NRL: variants seen among roughly 807,000 people sequenced by gnomAD.
NRL encodes neural retina leucine zipper.
A neutral mutation model predicts 12.5 loss-of-function variants in NRL; 16 were observed. The observed-to-expected ratio is 1.28, with a 90% CI of 0.87 to 1.95. The LOEUF (loss-of-function observed/expected upper bound fraction) is 1.95, where lower values mean the gene tolerates loss of function less well. Among genes scored for constraint, NRL ranks in the 30% most tolerant of loss-of-function variants. NRL has a pLI of 0.00. For missense variants in NRL, 314 were observed against 325.8 expected, an observed-to-expected ratio of 0.96 and a Z score of 0.28; for synonymous variants, 142 against 150.9, an observed-to-expected ratio of 0.94 and a Z score of 0.43.
chr14:24,103,976 A>G (rs1347765044), intron 1 of NRL: 25 of 1,603,144 alleles, frequency 1.6e-5, no homozygotes, highest in Middle Eastern at 1.7e-4. Context: ...CTGAGGCCCT[A>G]GTCTAGCAAG....
chr14:24,100,662 A>C, intron 1 of NRL: 1 of 829,238 alleles, frequency 1.2e-6, no homozygotes, highest in Non-Finnish European at 1.5e-6. Flanking sequence ...AGTTTGGCCC[A>C]TTAGGAAAAG....
chr14:24,080,993 G>GC lies in NRL; in HGVS notation c.*242dup, dbSNP rs1202554227. ...CACTGGTCCCTGCAGAGCTCAGCGT[G>GC]CTAGTCATGTGGGCTGGGTTTCTGT... On this transcript the variant is annotated 3_prime_UTR_variant, in exon 3 of 3. Coordinates refer to ENST00000561028, the MANE Select transcript of NRL (RefSeq NM_001354768.3). The GC allele has an allele frequency of 2.6e-6, 1 of 382,316 alleles. No homozygotes were observed. The highest frequency in any genetic ancestry group is 2.1e-5 in the African/African-American group (1 of 47,792). 23.7% of individuals were successfully genotyped at this position (382,316 alleles called of 1,614,324 possible).
At chr14:24,093,239 A>C (rs1382633743) in intron 1 of NRL, 1 of 152,280 alleles carries the variant, frequency 6.6e-6, no homozygotes, top group South Asian at 2.1e-4. Flanking sequence ...GCTGAGTTTG[A>C]GGTGCTATAT....
rs10137012 is a variant in NRL at position 24,091,219 on chromosome 14, C to T, written c.-27-8344G>A. Among the ~76,000 whole-genome samples, 771 of 151,596 alleles carry T rather than the reference C, an allele frequency of 5.1e-3. 8 individuals carry two copies. Among genetic ancestry groups the T allele is most frequent in the African/African-American group, 0.017 (720 of 41,308 alleles). On this transcript the variant is annotated intron_variant, in intron 1 of 2. Coordinates refer to ENST00000561028, the MANE Select transcript of NRL (RefSeq NM_001354768.3). Reference sequence around the variant, plus strand: ...AGGCTGGAGTGCAGTGGTGCGATCTCGGCTCACTGCAACCTCCGCCTCCCG... The same window carrying T: ...AGGCTGGAGTGCAGTGGTGCGATCTTGGCTCACTGCAACCTCCGCCTCCCG...
chr14:24,094,925 G>T lies in NRL; in HGVS notation c.-27-12050C>A. 1 of 1,082,802 alleles carries T rather than the reference G, an allele frequency of 9.2e-7. No homozygotes were observed. Among genetic ancestry groups the T allele is most frequent in the South Asian group, 1.3e-5 (1 of 74,800 alleles). 67.1% of individuals were successfully genotyped at this position (1,082,802 alleles called of 1,614,324 possible). On this transcript the variant is annotated intron_variant, in intron 1 of 2. Transcript: ENST00000561028. The surrounding 1 kb of genome is among the most constrained non-coding windows in gnomAD (Gnocchi z 4.1). Reference sequence around the variant, plus strand: ...AAATATCCATTCCCGGCCTCTCCCGGACTGGAAGGACTGGAACCTGGCGGG... The same window carrying T: ...AAATATCCATTCCCGGCCTCTCCCGTACTGGAAGGACTGGAACCTGGCGGG...
chr14:24,096,228 CTTTTTTTTTTTTTTTTT>C (rs34592767), intron 1 of NRL, among the ~76,000 whole-genome samples: 3 of 58,878 alleles, frequency 5.1e-5, no homozygotes, highest in East Asian at 1.3e-3. Flanking sequence ...CTACTCATTT[CTTTTTTTTTTTTTTTTT>C]TTTTTTTTTT....
chr14:24,103,887 GAGC>G (rs770045826), intron 1 of NRL: 2 of 1,614,048 alleles, frequency 1.2e-6, no homozygotes, highest in Non-Finnish European at 1.7e-6. Flanking sequence ...CTACCTGACA[GAGC>G]AGGTCAACCA....
intron 1 of NRL, among the ~76,000 whole-genome samples, chr14:24,113,398 G>C (rs1266114384): frequency 6.6e-6 from 1 of 151,786 alleles, no homozygotes; most frequent in African/African-American, 2.4e-5. Context: ...AAATGATTCC[G>C]TCACATTCTG....
rs748970100 is a variant in NRL, at chr14:24,082,750, G to A, written c.99C>T (p.Gly33=). The change falls in exon 2 of 3, where the codon GGC becomes GGT. Residue 33 remains glycine (G), a synonymous_variant. Transcript: ENST00000561028. ...TGGAGCCCAGTGAGGCTGTAGGGGG[G>A]CCAGGTCGGCCCTCAGAGGGTTCCC... The part of the protein sequence containing the change: ...VKREPSEGRP[G]PPTASLGSTP... The A allele has an allele frequency of 8.7e-6, 14 of 1,614,208 alleles. No homozygotes were observed. The highest frequency in any genetic ancestry group is 7.6e-6 in the Non-Finnish European group (9 of 1,180,030).
intron 1 of NRL, among the ~76,000 whole-genome samples, chr14:24,083,987 C>G (rs928102584): frequency 6.6e-6 from 1 of 152,166 alleles, no homozygotes; most frequent in Non-Finnish European, 1.5e-5. Context: ...AAGCTCTAGT[C>G]CAGCTCCCAA....
intron 1 of NRL, chr14:24,114,361 GCTGGGCACCC>G (rs1478239154): frequency 6.6e-6 from 1 of 152,344 alleles, no homozygotes; most frequent in East Asian, 1.9e-4. Context: ...CTACTGGGAC[GCTGGGCACCC>G]CTTAGGGCAG....
Position 24,082,582 on chromosome 14 carries a change from C to T in NRL, c.267G>A (p.Gly89=), listed in dbSNP as rs748629691. 1.1e-5 allele frequency: 18 copies of T among 1,613,672 alleles called. No homozygotes were observed. Among genetic ancestry groups the T allele is most frequent in the East Asian group, 8.9e-5 (4 of 44,890 alleles). Residue 89 remains glycine (G), a synonymous_variant, in exon 2 of 3, where the codon GGG becomes GGA. Coordinates refer to ENST00000561028, the MANE Select transcript of NRL (RefSeq NM_001354768.3). The part of the protein sequence containing the change: ...QQQLGAGEAL[G]LSPEEAMELL... ...GCTCCATGGCCTCTTCAGGACTCAG[C>T]CCCAATGCCTCCCCAGCCCCCAGCT...
chr14:24,098,227 G>A, intron 1 of NRL: 1 of 1,612,932 alleles, frequency 6.2e-7, no homozygotes, highest in South Asian at 1.1e-5. Flanking sequence ...CAGACCCCAA[G>A]GATGTGGCAC....
At chr14:24,114,031 C>CGCCGGAGGGG (rs2037475254) in intron 1 of NRL, among the ~76,000 whole-genome samples, 1 of 152,036 alleles carries the variant, frequency 6.6e-6, no homozygotes, top group Non-Finnish European at 1.5e-5. Flanking sequence ...CTCATAAACC[C>CGCCGGAGGGG]GCAGGAGGGG....
rs1480344025 is a variant in NRL, at chr14:24,094,596, T to C, written c.-27-11721A>G. 4.8e-6 allele frequency: 7 copies of C among 1,455,836 alleles called. No homozygotes were observed. The highest frequency in any genetic ancestry group is 6.3e-6 in the Non-Finnish European group (7 of 1,106,962). The allele number at this position is 1,455,836 out of a possible 1,614,324, so 90.2% of individuals were successfully genotyped here. On this transcript the variant is annotated intron_variant, in intron 1 of 2. Coordinates refer to ENST00000561028, the MANE Select transcript of NRL (RefSeq NM_001354768.3). The surrounding 1 kb of genome is among the most constrained non-coding windows in gnomAD (Gnocchi z 4.1). ...TGGGTCCAGCCTCCCGCGCCGCGCG[T>C]CTCTTGGGAGGGCAGCCGGCCGGTG...
chr14:24,099,506 T>C (rs768537603), intron 1 of NRL: 69 of 1,518,166 alleles, frequency 4.5e-5, no homozygotes, highest in Middle Eastern at 3.5e-4. Flanking sequence ...ATGCAGACCA[T>C]GCCCTGACTT....
chr14:24,098,139 A>T, intron 1 of NRL: 3 of 1,422,492 alleles, frequency 2.1e-6, no homozygotes, highest in African/African-American at 1.4e-5. Flanking sequence ...GACTTGAAAA[A>T]GTGGGTCTAG....
chr14:24,081,844 C>G lies in NRL; in HGVS notation c.382-276G>C. On this transcript the variant is annotated intron_variant, in intron 2 of 2. Transcript: ENST00000561028. The surrounding 1 kb of genome is among the most constrained non-coding windows in gnomAD (Gnocchi z 4.4). ...GCGAGCCCGTCGCGCACCTAAACCCCGGGCTCGTCTCTGGGATCCCCGGCA... is the reference window on the plus strand; with the variant it reads ...GCGAGCCCGTCGCGCACCTAAACCCGGGGCTCGTCTCTGGGATCCCCGGCA... The G allele has an allele frequency of 7.1e-7, 1 of 1,399,734 alleles. No homozygotes were observed. The highest frequency in any genetic ancestry group is 1.5e-5 in the South Asian group (1 of 68,282). 86.7% of individuals were successfully genotyped at this position (1,399,734 alleles called of 1,614,324 possible).
chr14:24,103,945 G>A, intron 1 of NRL: 1 of 1,613,806 alleles, frequency 6.2e-7, no homozygotes, highest in Non-Finnish European at 8.5e-7. Flanking sequence ...GCCCTGGAGA[G>A]ACGTGTGCAC....
Sources: allele counts gnomAD v4.1 joint callset (sites outside exome capture counted in the v4.1 genomes callset), GRCh38; gene constraint gnomAD v4.1.1; non-coding constraint Gnocchi (gnomAD v3.1); transcripts MANE v1.5; gene names NCBI Gene and HGNC (gene_info 2026-07-23, HGNC 2026-07-21).